The following COLEC12 variants were observed in gnomAD, a reference collection of about 807,000 sequenced individuals.
COLEC12 encodes the protein collectin-12.
In COLEC12, 33 loss-of-function variants were observed where a neutral mutation model predicts 71.1. The observed-to-expected ratio is 0.46, with a 90% CI of 0.35 to 0.62. The LOEUF is 0.62. COLEC12 is among the 20% of genes least tolerant of loss of function. The pLI, the probability that COLEC12 is intolerant of heterozygous loss-of-function variation, is 0.00. For synonymous variants in COLEC12, 350 were observed against 353.0 expected (o/e 0.99, Z 0.10); for missense variants, 765 against 916.1 (o/e 0.84, Z 2.13).
chr18:411,313 G>A (rs1335308497), intron 2 of COLEC12, among the ~76,000 whole-genome samples: 1 of 152,146 alleles, frequency 6.6e-6, no homozygotes, highest in Non-Finnish European at 1.5e-5. Flanking sequence ...CCTGGTTTCA[G>A]CTGAAATCAC....
rs1915648289 is a variant in COLEC12, at chr18:399,952, T to TG, written c.59-42431dup. Among the ~76,000 whole-genome samples, 1 of 151,852 alleles carries TG rather than the reference T, an allele frequency of 6.6e-6. No homozygotes were observed. The highest frequency in any genetic ancestry group is 1.5e-5 in the Non-Finnish European group (1 of 67,964). On this transcript the variant is annotated intron_variant, in intron 2 of 9. Transcript: ENST00000400256. This position sits in a 1 kb window ranked among gnomAD's most constrained non-coding sequence, Gnocchi z 4.0. Reference sequence around the variant, plus strand: ...CTTGTTAAAGGGTGGTGGGGGCGGGTGGGGGATAGTGACTGAAGAGGCTGT... The same window carrying TG: ...CTTGTTAAAGGGTGGTGGGGGCGGGTGGGGGGATAGTGACTGAAGAGGCTGT...
At chr18:487,066 C>G (rs775171853) in intron 1 of COLEC12, among the ~76,000 whole-genome samples, 1 of 152,152 alleles carries the variant, frequency 6.6e-6, no homozygotes, top group Non-Finnish European at 1.5e-5. Flanking sequence ...GGGGGGGAGA[C>G]AAGCCAAAGG....
chr18:410,670 C>T (rs1359303073), intron 2 of COLEC12, among the ~76,000 whole-genome samples: 2 of 152,024 alleles, frequency 1.3e-5, no homozygotes, highest in Non-Finnish European at 2.9e-5. Flanking sequence ...GGTGATCTGC[C>T]CGCCTTGGCC....
At position 404,548 on chromosome 18, in the gene COLEC12, T is replaced by C. The variant is rs72861838; in HGVS notation, c.59-47026A>G. ...GGACGAAGGGTGGTGTTGTGGGAAG[T>C]TAGGGACCCCAAACGGAGGGACCAG... On this transcript the variant is annotated intron_variant, in intron 2 of 9. Transcript: ENST00000400256. Among the ~76,000 whole-genome samples, 793 of 152,268 alleles carry C rather than the reference T, an allele frequency of 5.2e-3. 2 individuals carry two copies. Among genetic ancestry groups the C allele is most frequent in the Non-Finnish European group, 9.0e-3 (613 of 68,004 alleles).
intron 2 of COLEC12, among the ~76,000 whole-genome samples, chr18:416,972 C>G (rs1915998868): frequency 6.6e-6 from 1 of 151,636 alleles, no homozygotes; most frequent in South Asian, 2.1e-4. Context: ...GAAAGTATAC[C>G]AGGTTTAAAG....
Position 399,911 on chromosome 18 carries a change from T to G in COLEC12, c.59-42389A>C, listed in dbSNP as rs1915646400. ...TTCTAACAGCCCCCAGTTTTTGGCTTGATCCTCAGACAACGCTTGTTAAAG... is the reference window on the plus strand; with the variant it reads ...TTCTAACAGCCCCCAGTTTTTGGCTGGATCCTCAGACAACGCTTGTTAAAG... On this transcript the variant is annotated intron_variant, in intron 2 of 9. Transcript: ENST00000400256. The surrounding 1 kb of genome is among the most constrained non-coding windows in gnomAD (Gnocchi z 4.0). Among the ~76,000 whole-genome samples, 2 of 152,128 alleles carry G rather than the reference T, an allele frequency of 1.3e-5. 1 individual carries two copies. Among genetic ancestry groups the G allele is most frequent in the South Asian group, 4.1e-4 (2 of 4,824 alleles).
At position 334,734 on chromosome 18, in the gene COLEC12, G is replaced by A; in HGVS notation, c.1816+8C>T. ...GTCCCCCTGGCTGGAGGGAGGGCTT[G>A]GACTTACCATTGTCCTCCGGTGCTG... On this transcript the variant is annotated splice_region_variant and intron_variant, in intron 6 of 9. Coordinates refer to ENST00000400256, the MANE Select transcript of COLEC12 (RefSeq NM_130386.3). The A allele has an allele frequency of 4.1e-6, 6 of 1,464,998 alleles. No individual in the cohort carries two copies. Among genetic ancestry groups the A allele is most frequent in the Non-Finnish European group, 5.4e-6 (6 of 1,112,848 alleles). The allele number at this position is 1,464,998 out of a possible 1,614,324, so 90.7% of individuals were successfully genotyped here.
intron 2 of COLEC12, among the ~76,000 whole-genome samples, chr18:377,698 T>C (rs1798263590): frequency 6.6e-6 from 1 of 152,158 alleles, no homozygotes; most frequent in South Asian, 2.1e-4. Flanking sequence ...GAAGACCTAT[T>C]TTTTATTTCC....
chr18:494,848 A>G (rs1262118403), intron 1 of COLEC12, among the ~76,000 whole-genome samples: 15 of 152,226 alleles, frequency 9.9e-5, no homozygotes, highest in Non-Finnish European at 2.9e-5. Flanking sequence ...CTAGTGAATA[A>G]TACCTCACGT....
At chr18:476,961 G>A (rs1053769951) in intron 2 of COLEC12, among the ~76,000 whole-genome samples, 3 of 152,054 alleles carry the variant, frequency 2.0e-5, no homozygotes, top group Non-Finnish European at 4.4e-5. Flanking sequence ...CCTCATTGAC[G>A]CTTTTGTCAG....
chr18:331,546 C>A, intron 8 of COLEC12, 122 bp downstream of exon 8: 1 of 569,984 alleles, frequency 1.8e-6, no homozygotes. Flanking sequence ...CCAGGAGCCC[C>A]GGTTTGGGAG....
chr18:454,080 C>A (rs2143719006), intron 2 of COLEC12, among the ~76,000 whole-genome samples: 1 of 152,358 alleles, frequency 6.6e-6, no homozygotes, highest in African/African-American at 2.4e-5. Flanking sequence ...TATCCGTTCT[C>A]TAGTTGAGCC....
At chr18:446,762 T>C (rs1916662508) in intron 2 of COLEC12, among the ~76,000 whole-genome samples, 1 of 152,146 alleles carries the variant, frequency 6.6e-6, no homozygotes, top group Non-Finnish European at 1.5e-5. Flanking sequence ...CAGCCTTTCA[T>C]ATTTATAACT....
intron 1 of COLEC12, among the ~76,000 whole-genome samples, chr18:482,410 G>A (rs539369843): frequency 2.0e-5 from 3 of 150,774 alleles, no homozygotes; most frequent in Admixed American, 1.3e-4. Context: ...CACCGTGCCC[G>A]GCCAACACTT....
intron 2 of COLEC12, among the ~76,000 whole-genome samples, chr18:418,199 T>A (rs980689636): frequency 6.6e-6 from 1 of 152,304 alleles, no homozygotes; most frequent in African/African-American, 2.4e-5. Context: ...TGGATCAGCA[T>A]GTGGAGCAAA....
Position 443,994 on chromosome 18 carries a change from G to A in COLEC12, c.58+36713C>T, listed in dbSNP as rs370643497. On this transcript the variant is annotated intron_variant, in intron 2 of 9. Coordinates refer to ENST00000400256, the MANE Select transcript of COLEC12 (RefSeq NM_130386.3). The stretch of plus-strand genomic sequence containing the variant: ...TGCCATGATCGTAAAAGCTCCCTGA[G>A]GCCTCTCCAGGAGCCGAGTGTTGTC... Among the ~76,000 whole-genome samples, 17 of 152,232 alleles carry A rather than the reference G, an allele frequency of 1.1e-4. No homozygotes were observed. The East Asian group carries it at 3.3e-3, about 29-fold the overall frequency.
In COLEC12 at chr18:346,583, T is replaced by C; in HGVS notation, c.1039A>G (p.Ile347Val). 2 of 1,614,232 alleles carry C rather than the reference T, an allele frequency of 1.2e-6. No individual in the cohort carries two copies. Among genetic ancestry groups the C allele is most frequent in the Non-Finnish European group, 1.7e-6 (2 of 1,180,032 alleles). The change falls in exon 5 of 10, where the codon ATT becomes GTT. Residue 347 changes from isoleucine (I) to valine (V), a missense_variant. Physicochemically the swap from Ile to Val is conservative, Grantham distance 29 (BLOSUM62 3). Coordinates refer to ENST00000400256, the MANE Select transcript of COLEC12 (RefSeq NM_130386.3). The surrounding 1 kb of genome is among the most constrained non-coding windows in gnomAD (Gnocchi z 4.0). Reference protein sequence around the residue: ...QLFETDIVNIISNISYTAHHL... With the variant: ...QLFETDIVNIVSNISYTAHHL... Reference sequence around the variant, plus strand: ...TGGGCTGTGTAACTGATATTGCTAATGATGTTCACAATATCCGTCTCAAAG... The same window carrying C: ...TGGGCTGTGTAACTGATATTGCTAACGATGTTCACAATATCCGTCTCAAAG...
At position 403,204 on chromosome 18, in the gene COLEC12, C is replaced by T. The variant is rs141877550; in HGVS notation, c.59-45682G>A. ...TATTTCAGGACCTACATGATTTTCT[C>T]CATGGTTTGTTACATGTACACATGA... On this transcript the variant is annotated intron_variant, in intron 2 of 9. Coordinates refer to ENST00000400256, the MANE Select transcript of COLEC12 (RefSeq NM_130386.3). 1.2e-4 allele frequency among the ~76,000 whole-genome samples: 19 copies of T among 152,280 alleles called. No individual in the cohort carries two copies. In the East Asian group the frequency reaches 3.5e-3, roughly 28 times the overall value.
chr18:493,643 T>C (rs7232486), intron 1 of COLEC12, among the ~76,000 whole-genome samples: 5,879 of 152,324 alleles, frequency 0.039, 151 homozygotes, highest in South Asian at 0.083. Flanking sequence ...TTTATTCATT[T>C]TATTTGGCAT....
Sources: allele counts gnomAD v4.1 joint callset (sites outside exome capture counted in the v4.1 genomes callset), GRCh38; gene constraint gnomAD v4.1.1; non-coding constraint Gnocchi (gnomAD v3.1); transcripts MANE v1.5; gene names NCBI Gene and HGNC (gene_info 2026-07-23, HGNC 2026-07-21).